The following ASXL1 variants were observed in gnomAD, a reference collection of about 807,000 sequenced individuals.
ASXL1 encodes ASXL transcriptional regulator 1, also known as polycomb group protein ASXL1.
ASXL1 carries 65 observed loss-of-function variants against 89.1 expected under a neutral mutation model. That is an observed-to-expected ratio of 0.73 (90% CI 0.60 to 0.90). The LOEUF is 0.90. ASXL1 is among the 40% of genes least tolerant of loss of function. ASXL1 has a pLI of 0.00. For synonymous variants in ASXL1, 739 were observed against 746.9 expected (o/e 0.99, Z 0.17); for missense variants, 1,786 against 1,942.9 (o/e 0.92, Z 1.52).
chr20:32,434,108 C>CT (rs2011635417), intron 12 of ASXL1, 191 bp downstream of exon 12: 1 of 876,468 alleles, frequency 1.1e-6, no homozygotes, highest in Non-Finnish European at 1.7e-6. Flanking sequence ...TTTTTGTTCA[C>CT]TCTGTTGAAG....
chr20:32,416,889 C>G (rs891789104), intron 4 of ASXL1, among the ~76,000 whole-genome samples: 3 of 152,186 alleles, frequency 2.0e-5, no homozygotes, highest in Non-Finnish European at 4.4e-5. Flanking sequence ...ATCATGACAT[C>G]AAGTTTTATG....
At chr20:32,411,554 TTTTA>T (rs1192111518) in intron 4 of ASXL1, among the ~76,000 whole-genome samples, 3 of 121,318 alleles carry the variant, frequency 2.5e-5, no homozygotes, top group Non-Finnish European at 3.5e-5. Context: ...TTTTTTTTTT[TTTTA>T]AAATATGAAG....
At chr20:32,363,688 A>G (rs540100269) in intron 1 of ASXL1, among the ~76,000 whole-genome samples, 192 of 152,318 alleles carry the variant, frequency 1.3e-3, no homozygotes, top group Admixed American at 2.6e-3. Flanking sequence ...GAGATCAGGG[A>G]AGGCTTCCTG....
chr20:32,431,680 G>A lies in ASXL1; in HGVS notation c.979+1G>A, dbSNP rs2123239849. The A allele has an allele frequency of 6.2e-7, 1 of 1,612,490 alleles. No homozygotes were observed. Among genetic ancestry groups the A allele is most frequent in the Non-Finnish European group, 8.5e-7 (1 of 1,180,020 alleles). ...AGCTGGCGGGAGCGCCTGGCTGATG[G>A]TATGTAGACTTGGTCATCTCGGACG... On this transcript the variant is annotated splice_donor_variant, in intron 10 of 12. Transcript: ENST00000375687. LOFTEE classifies it high-confidence loss of function.
chr20:32,365,003 C>G (rs1042598910), intron 1 of ASXL1, among the ~76,000 whole-genome samples: 2 of 152,124 alleles, frequency 1.3e-5, no homozygotes, highest in Non-Finnish European at 2.9e-5. Context: ...AAGATGACAC[C>G]TGCGTTTCTG....
At chr20:32,430,357 T>C (rs1187327769) in intron 8 of ASXL1, 5 of 334,706 alleles carry the variant, frequency 1.5e-5, no homozygotes, top group Non-Finnish European at 2.7e-5. Flanking sequence ...GCTTCTGAGC[T>C]TCTCAGTGAA....
rs746325690 is a variant in ASXL1 at position 32,424,528 on chromosome 20, C to T, written c.253-3600C>T. 1.6e-3 allele frequency among the ~76,000 whole-genome samples: 250 copies of T among 152,260 alleles called. 3 individuals are homozygous for T. The highest frequency in any genetic ancestry group is 2.7e-3 in the Non-Finnish European group (184 of 68,022). ...CCATCCTGGGTGACAGAGCGAGACT[C>T]TTGTCTCAAAAAACAAACAAAAAAA... On this transcript the variant is annotated intron_variant, in intron 4 of 12. Transcript: ENST00000375687.
rs75887545 is a variant in ASXL1, at chr20:32,436,210, C to G, written c.3498C>G (p.Ser1166Arg). The G allele has an allele frequency of 1.2e-3, 1,993 of 1,614,224 alleles. 25 individuals are homozygous for G. The African/African-American group carries it at 0.023, about 19-fold the overall frequency. ...ACAGTGGCATGGTTGATGGAAGCAG[C>G]CCCAGTTCTTTAAGGGCTTTGAAGG... ...GKNSGMVDGS[S>R]PSSLRALKEP... The change falls in exon 13 of 13, where the codon AGC (serine) becomes AGG (arginine). Residue 1166 changes from serine to arginine, a missense_variant. Physicochemically the swap from Ser to Arg is moderately radical, Grantham distance 110. Around this residue, in one of 3 missense-constraint regions of ASXL1, gnomAD observed 1,418 missense variants for 1,427.8 expected, o/e 0.99. Coordinates refer to ENST00000375687, the MANE Select transcript of ASXL1 (RefSeq NM_015338.6).
chr20:32,432,942 G>A lies in ASXL1; in HGVS notation c.1042G>A (p.Glu348Lys), dbSNP rs368107684. The change falls in exon 11 of 13, where the codon GAA becomes AAA. Residue 348 changes from glutamate (E) to lysine (K), a missense_variant. By Grantham distance (56) the Glu-to-Lys change is moderately conservative (BLOSUM62 1). Around this residue, in one of 3 missense-constraint regions of ASXL1, gnomAD observed 1,418 missense variants for 1,427.8 expected, o/e 0.99. Coordinates refer to ENST00000375687, the MANE Select transcript of ASXL1 (RefSeq NM_015338.6). The part of the protein sequence containing the change: ...RQEMEKEKKV[E>K]QWKEKFFEDY... ...GGAAATGGAGAAGGAAAAGAAGGTGGAACAATGGAAAGAAAAGTTCTTTGA... is the reference window on the plus strand; with the variant it reads ...GGAAATGGAGAAGGAAAAGAAGGTGAAACAATGGAAAGAAAAGTTCTTTGA... 6.2e-7 allele frequency: 1 copy of A among 1,614,012 alleles called. No homozygotes were observed. Among genetic ancestry groups the A allele is most frequent in the Non-Finnish European group, 8.5e-7 (1 of 1,180,004 alleles).
rs1187099248 is a variant in ASXL1 at position 32,429,774 on chromosome 20, G to C, written c.566-127G>C. The C allele has an allele frequency of 7.5e-7, 1 of 1,330,364 alleles. No individual in the cohort carries two copies. The highest frequency in any genetic ancestry group is 1.0e-6 in the Non-Finnish European group (1 of 970,212). 82.4% of individuals were successfully genotyped at this position (1,330,364 alleles called of 1,614,324 possible). A position where few individuals can be genotyped will look rare whatever the true frequency, so the allele number is the denominator to read the frequency against. On this transcript the variant is annotated intron_variant, in intron 7 of 12. Transcript: ENST00000375687. The surrounding 1 kb of genome is among the most constrained non-coding windows in gnomAD (Gnocchi z 4.9). ...AAGTGGTGGTTTCTCTCAGCCTAAG[G>C]CTGGGAGATGGAAGCATCCCAGTAT...
At chr20:32,365,147 G>T (rs926962646) in intron 1 of ASXL1, among the ~76,000 whole-genome samples, 2 of 152,182 alleles carry the variant, frequency 1.3e-5, no homozygotes, top group Non-Finnish European at 2.9e-5. Flanking sequence ...TAATGAAGGG[G>T]TATAGTCAGT....
At chr20:32,415,608 G>A (rs1172327423) in intron 4 of ASXL1, among the ~76,000 whole-genome samples, 1 of 152,112 alleles carries the variant, frequency 6.6e-6, no homozygotes, top group Non-Finnish European at 1.5e-5. Context: ...ACTTCCCTGC[G>A]TGCTCCGGGC....
rs1049547554 is a variant in ASXL1 at position 32,402,959 on chromosome 20, GT to G, written c.253-25161del. 3.3e-5 allele frequency among the ~76,000 whole-genome samples: 5 copies of G among 151,606 alleles called. No individual in the cohort carries two copies. The South Asian group carries it at 6.2e-4, about 19-fold the overall frequency. ...AATTTATCTATTTTTAAATTTTATA[GT>G]TTTTTTTGGTGTCATATCTAAGCAC... On this transcript the variant is annotated intron_variant, in intron 4 of 12. Transcript: ENST00000375687.
intron 4 of ASXL1, among the ~76,000 whole-genome samples, chr20:32,422,253 A>G (rs1257922814): frequency 6.6e-6 from 1 of 150,894 alleles, no homozygotes; most frequent in Non-Finnish European, 1.5e-5. Context: ...GAAATGTTCT[A>G]TATCTTGATA....
At chr20:32,400,678 G>A (rs2048857518) in intron 4 of ASXL1, among the ~76,000 whole-genome samples, 1 of 152,160 alleles carries the variant, frequency 6.6e-6, no homozygotes, top group Non-Finnish European at 1.5e-5. Context: ...GCCCTCTACT[G>A]TGTGGTATTG....
At chr20:32,423,204 G>A (rs2011185861) in intron 4 of ASXL1, among the ~76,000 whole-genome samples, 1 of 151,870 alleles carries the variant, frequency 6.6e-6, no homozygotes, top group African/African-American at 2.4e-5. Context: ...TGGGAGGATC[G>A]CTTGAGTCCA....
chr20:32,386,888 A>G (rs1439804889), intron 4 of ASXL1, among the ~76,000 whole-genome samples: 1 of 141,812 alleles, frequency 7.1e-6, no homozygotes, highest in Non-Finnish European at 1.5e-5. Context: ...CCTTTGTGCT[A>G]TTAGGTCTAG....
At chr20:32,421,168 T>C (rs964145766) in intron 4 of ASXL1, among the ~76,000 whole-genome samples, 6 of 151,000 alleles carry the variant, frequency 4.0e-5, no homozygotes, top group Admixed American at 6.6e-5. Context: ...CAAACCACCA[T>C]GGCACATGTA....
At chr20:32,418,772 C>T (rs1246506475) in intron 4 of ASXL1, among the ~76,000 whole-genome samples, 1 of 134,682 alleles carries the variant, frequency 7.4e-6, no homozygotes, top group African/African-American at 2.8e-5. Context: ...ATTGGAACTG[C>T]ATTGAATCGA....
Sources: gnomAD v4.1 joint callset for allele counts (sites outside exome capture counted in the v4.1 genomes callset) on GRCh38, gnomAD v4.1.1 for gene constraint, gnomAD v4.1.1 regional missense constraint, Gnocchi (gnomAD v3.1) non-coding constraint, MANE v1.5 for transcripts, NCBI Gene and HGNC (gene_info 2026-07-23, HGNC 2026-07-21) for gene names.